FHOD3: variants seen among roughly 807,000 people sequenced by gnomAD.
FHOD3 encodes the protein formin homology 2 domain containing 3.
FHOD3 carries 90 observed loss-of-function variants against 173.0 expected under a neutral mutation model. The ratio of observed to expected loss-of-function variants is 0.52; its 90% CI spans 0.44 to 0.62. The LOEUF is 0.62. Ranked by LOEUF, FHOD3 falls within the 20% of genes least tolerant of loss-of-function variation. The pLI is 0.00. For synonymous variants in FHOD3, 828 were observed against 823.0 expected (o/e 1.01, Z -0.10); for missense variants, 1,945 against 2,034.7 (o/e 0.96, Z 0.85).
At chr18:36,770,793 A>ACC (rs1343380520) in intron 28 of FHOD3, among the ~76,000 whole-genome samples, 1 of 152,150 alleles carries the variant, frequency 6.6e-6, no homozygotes, top group Non-Finnish European at 1.5e-5. Flanking sequence ...TCTGGGCTGC[A>ACC]CCCACACACA....
rs147932816 is a variant in FHOD3, at chr18:36,400,269, G to T, written c.337+27525G>T. Among the ~76,000 whole-genome samples the T allele has an allele frequency of 1.4e-4, 21 of 152,288 alleles. 1 individual carries two copies. In the East Asian group the frequency reaches 3.9e-3, roughly 28 times the overall value. On this transcript the variant is annotated intron_variant, in intron 3 of 28. Coordinates refer to ENST00000590592, the MANE Select transcript of FHOD3 (RefSeq NM_001281740.3). Reference sequence around the variant, plus strand: ...CTAGAAGAGCTCAGTATTTAAGCAAGACCTTAAAAATAGAGTGAAAAAAGT... The same window carrying T: ...CTAGAAGAGCTCAGTATTTAAGCAATACCTTAAAAATAGAGTGAAAAAAGT...
chr18:36,339,556 G>T (rs2145428372), intron 1 of FHOD3, among the ~76,000 whole-genome samples: 1 of 152,268 alleles, frequency 6.6e-6, no homozygotes, highest in South Asian at 2.1e-4. Flanking sequence ...GGTGCTAGGG[G>T]CTTGGCGCTT....
At chr18:36,513,745 AG>A (rs1484153666) in intron 5 of FHOD3, among the ~76,000 whole-genome samples, 2 of 151,974 alleles carry the variant, frequency 1.3e-5, no homozygotes, top group Non-Finnish European at 2.9e-5. Context: ...TGCAATTAAA[AG>A]CAACAGAGAG....
chr18:36,733,479 A>G (rs1307380274), intron 20 of FHOD3, among the ~76,000 whole-genome samples: 1 of 152,224 alleles, frequency 6.6e-6, no homozygotes, highest in Non-Finnish European at 1.5e-5. Flanking sequence ...CCCTTTAAAA[A>G]TATTTCTCCT....
At chr18:36,460,951 G>A (rs1164321431) in intron 3 of FHOD3, among the ~76,000 whole-genome samples, 1 of 152,176 alleles carries the variant, frequency 6.6e-6, no homozygotes, top group African/African-American at 2.4e-5. Context: ...CCTGGGCATA[G>A]CAGATGAAAG....
chr18:36,486,909 C>T (rs1179331106), intron 3 of FHOD3, among the ~76,000 whole-genome samples: 1 of 152,172 alleles, frequency 6.6e-6, no homozygotes, highest in African/African-American at 2.4e-5. Context: ...CATACAGTAT[C>T]TGGTATTTTG....
At chr18:36,662,987 A>G (rs2036912980) in intron 14 of FHOD3, among the ~76,000 whole-genome samples, 2 of 152,072 alleles carry the variant, frequency 1.3e-5, no homozygotes, top group South Asian at 4.2e-4. Flanking sequence ...TTCTTTATAA[A>G]CTGTGATAAG....
At chr18:36,591,376 G>A (rs540358900) in intron 6 of FHOD3, among the ~76,000 whole-genome samples, 1 of 152,262 alleles carries the variant, frequency 6.6e-6, no homozygotes, top group South Asian at 2.1e-4. Context: ...CGGAGGCGGG[G>A]CTTGGCTTTG....
At chr18:36,503,014 GT>G (rs2055120427) in intron 4 of FHOD3, among the ~76,000 whole-genome samples, 1 of 152,178 alleles carries the variant, frequency 6.6e-6, no homozygotes, top group South Asian at 2.1e-4. Flanking sequence ...AATTTCCAGT[GT>G]TTTGCTGTTA....
At chr18:36,496,345 C>T (rs1460882920) in intron 3 of FHOD3, among the ~76,000 whole-genome samples, 1 of 152,156 alleles carries the variant, frequency 6.6e-6, no homozygotes, top group African/African-American at 2.4e-5. Context: ...CCTGCTGGAT[C>T]CTCTTCTACC....
chr18:36,509,944 G>A (rs949859211), intron 4 of FHOD3, among the ~76,000 whole-genome samples: 3 of 152,158 alleles, frequency 2.0e-5, no homozygotes, highest in Non-Finnish European at 4.4e-5. Context: ...ACACATGTGC[G>A]CAAAAACAGC....
intron 12 of FHOD3, among the ~76,000 whole-genome samples, 153 bp downstream of exon 12, chr18:36,653,082 C>T (rs146212055): frequency 6.6e-6 from 1 of 152,172 alleles, no homozygotes; most frequent in Non-Finnish European, 1.5e-5. Flanking sequence ...AGTTGCTGAC[C>T]CCTGACTAAA....
At chr18:36,695,434 C>A (rs1413240729) in intron 17 of FHOD3, among the ~76,000 whole-genome samples, 1 of 151,968 alleles carries the variant, frequency 6.6e-6, no homozygotes, top group East Asian at 1.9e-4. Flanking sequence ...AATGTTTGAC[C>A]AAAATTACAC....
At chr18:36,545,465 C>G (rs1271603099) in intron 5 of FHOD3, among the ~76,000 whole-genome samples, 1 of 152,218 alleles carries the variant, frequency 6.6e-6, no homozygotes, top group African/African-American at 2.4e-5. Flanking sequence ...GGAGGTAAAT[C>G]TGCATCCAAA....
intron 5 of FHOD3, among the ~76,000 whole-genome samples, chr18:36,522,221 G>A (rs539451640): frequency 6.6e-6 from 1 of 152,292 alleles, no homozygotes; most frequent in African/African-American, 2.4e-5. Flanking sequence ...GTGAAAATGA[G>A]CTGACAGAAG....
chr18:36,462,401 G>A (rs536787668), intron 3 of FHOD3, among the ~76,000 whole-genome samples: 83 of 151,766 alleles, frequency 5.5e-4, no homozygotes, highest in South Asian at 2.5e-3. Flanking sequence ...GTGCTATCTC[G>A]GCTCACTGCA....
In FHOD3 at chr18:36,339,990, T is replaced by C. The variant is rs112707877; in HGVS notation, c.166-15549T>C. ...TTGGTGGCTCACATTAATGAAATAA[T>C]GCACCCCTTCCCCTAGGTTTTTGCT... On this transcript the variant is annotated intron_variant, in intron 1 of 28. Transcript: ENST00000590592. 7.4e-3 allele frequency among the ~76,000 whole-genome samples: 1,124 copies of C among 152,310 alleles called. 9 individuals carry two copies. Among genetic ancestry groups the C allele is most frequent in the African/African-American group, 0.026 (1,075 of 41,578 alleles).
chr18:36,451,164 G>T (rs1330570713), intron 3 of FHOD3, among the ~76,000 whole-genome samples: 1 of 152,142 alleles, frequency 6.6e-6, no homozygotes, highest in Non-Finnish European at 1.5e-5. Context: ...AAAATCAGTT[G>T]AAAAACTAAA....
chr18:36,407,592 G>C (rs79884843), intron 3 of FHOD3, among the ~76,000 whole-genome samples: 124 of 152,328 alleles, frequency 8.1e-4, no homozygotes, highest in Non-Finnish European at 1.3e-3. Flanking sequence ...AGACTTGAGC[G>C]TAAGCGATGG....
Sources: gnomAD v4.1 joint callset for allele counts (sites outside exome capture counted in the v4.1 genomes callset) on GRCh38, gnomAD v4.1.1 for gene constraint, MANE v1.5 for transcripts, NCBI Gene and HGNC (gene_info 2026-07-23, HGNC 2026-07-21) for gene names.